The following NOS1AP variants were observed in gnomAD, a reference collection of about 807,000 sequenced individuals.
The protein encoded by NOS1AP is nitric oxide synthase 1 adaptor protein.
NOS1AP carries 21 observed loss-of-function variants against 56.2 expected under a neutral mutation model. The observed-to-expected ratio is 0.37, with a 90% CI of 0.26 to 0.54. NOS1AP has a LOEUF of 0.54. Among genes scored for constraint, NOS1AP ranks in the 20% least tolerant of loss-of-function variants. The probability of loss-of-function intolerance (pLI) is 0.84; values close to 1 mark genes in which losing one functional copy is unlikely to be tolerated. For missense variants in NOS1AP, 522 were observed against 657.8 expected, an observed-to-expected ratio of 0.79 and a Z score of 2.26; for synonymous variants, 270 against 274.6, an observed-to-expected ratio of 0.98 and a Z score of 0.17.
chr1:162,124,365 GA>G (rs1437731292), intron 1 of NOS1AP, among the ~76,000 whole-genome samples: 2 of 152,092 alleles, frequency 1.3e-5, no homozygotes, highest in Non-Finnish European at 2.9e-5. Flanking sequence ...GACTTGTAAT[GA>G]GGACATGTGG....
At chr1:162,111,271 G>A (rs1438017146) in intron 1 of NOS1AP, among the ~76,000 whole-genome samples, 1 of 152,198 alleles carries the variant, frequency 6.6e-6, no homozygotes, top group Non-Finnish European at 1.5e-5. Context: ...AGTTGAAACT[G>A]GCTTGGTATG....
intron 4 of NOS1AP, among the ~76,000 whole-genome samples, chr1:162,309,096 A>G (rs555609474): frequency 6.6e-6 from 1 of 152,356 alleles, no homozygotes; most frequent in South Asian, 2.1e-4. Flanking sequence ...AAAATACAGG[A>G]CAAACTACAT....
At chr1:162,104,233 C>T (rs1258302526) in intron 1 of NOS1AP, among the ~76,000 whole-genome samples, 19 of 152,150 alleles carry the variant, frequency 1.2e-4, no homozygotes, top group Non-Finnish European at 2.8e-4. Context: ...TGAATATTGG[C>T]CCCCAGTCTC....
chr1:162,261,539 A>AGAGAAGAGAGAAGAGAG lies in NOS1AP; in HGVS notation c.178-25801_178-25800insAGAGAGAAGAGAGGAGA, dbSNP rs1553200110. Among the ~76,000 whole-genome samples, 7 of 16,878 alleles carry AGAGAAGAGAGAAGAGAG rather than the reference A, an allele frequency of 4.1e-4. 3 individuals carry two copies. Among genetic ancestry groups the AGAGAAGAGAGAAGAGAG allele is most frequent in the Non-Finnish European group, 9.1e-4 (4 of 4,414 alleles). 11.1% of individuals were successfully genotyped at this position (16,878 alleles called of 152,430 possible). A position where few individuals can be genotyped will look rare whatever the true frequency, so the allele number is the denominator to read the frequency against. ...GAGAGAGAGAGAGAGAGAGAGAGAG[A>AGAGAAGAGAGAAGAGAG]GAGAGAGCAATGAAATGACTGGAAC... is the stretch of plus-strand genomic sequence containing the variant. On this transcript the variant is annotated intron_variant, in intron 2 of 9. Coordinates refer to ENST00000361897, the MANE Select transcript of NOS1AP (RefSeq NM_014697.3).
intron 2 of NOS1AP, among the ~76,000 whole-genome samples, chr1:162,231,464 G>A (rs977204245): frequency 9.2e-5 from 14 of 152,172 alleles, no homozygotes; most frequent in African/African-American, 3.4e-4. Context: ...CTTTTGCACA[G>A]GCGTTTTACA....
At chr1:162,211,912 C>G (rs754181274) in intron 2 of NOS1AP, among the ~76,000 whole-genome samples, 2 of 152,156 alleles carry the variant, frequency 1.3e-5, no homozygotes. Flanking sequence ...TAGCTTCCCC[C>G]CACAAAAGAA....
intron 2 of NOS1AP, among the ~76,000 whole-genome samples, chr1:162,264,469 C>CCTCTCCTCTCCTCTCCTCTCCTCTCCTGT (rs373124349): frequency 3.8e-4 from 12 of 31,848 alleles, no homozygotes; most frequent in Admixed American, 8.4e-4. Context: ...TCTTCTCCTC[C>CCTCTCCTCTCCTCTCCTCTCCTCTCCTGT]CCTCCCCTCC....
At chr1:162,133,536 T>C (rs1413367698) in intron 1 of NOS1AP, among the ~76,000 whole-genome samples, 1 of 152,246 alleles carries the variant, frequency 6.6e-6, no homozygotes, top group Non-Finnish European at 1.5e-5. Flanking sequence ...TTCCTTTTTA[T>C]AATCTGGCAG....
At chr1:162,308,164 C>T (rs1207381640) in intron 4 of NOS1AP, among the ~76,000 whole-genome samples, 2 of 152,182 alleles carry the variant, frequency 1.3e-5, no homozygotes, top group Non-Finnish European at 2.9e-5. Flanking sequence ...CCAAGATGCC[C>T]TTTAGACATT....
chr1:162,106,641 A>G (rs1647521786), intron 1 of NOS1AP, among the ~76,000 whole-genome samples: 1 of 152,240 alleles, frequency 6.6e-6, no homozygotes, highest in Admixed American at 6.5e-5. Flanking sequence ...AATACTATGA[A>G]AAGATGCTCA....
chr1:162,324,036 A>G (rs1023155029), intron 4 of NOS1AP, among the ~76,000 whole-genome samples: 1 of 152,308 alleles, frequency 6.6e-6, no homozygotes. Context: ...AGGAAGAGGT[A>G]ATTTTCTAGA....
intron 4 of NOS1AP, among the ~76,000 whole-genome samples, chr1:162,313,391 A>G (rs1362220823): frequency 6.6e-6 from 1 of 152,208 alleles, no homozygotes; most frequent in African/African-American, 2.4e-5. Context: ...ATATGCAAAT[A>G]TATTGACACT....
intron 1 of NOS1AP, among the ~76,000 whole-genome samples, chr1:162,081,126 T>C (rs972130196): frequency 1.3e-5 from 2 of 152,164 alleles, no homozygotes; most frequent in African/African-American, 4.8e-5. Context: ...GTTCTAAGCA[T>C]TTTACATGTA....
chr1:162,349,859 CTT>C (rs1395253655), intron 6 of NOS1AP, among the ~76,000 whole-genome samples: 3 of 152,192 alleles, frequency 2.0e-5, no homozygotes, highest in Non-Finnish European at 4.4e-5. Flanking sequence ...CTAAACCATA[CTT>C]TGAGTCTGAG....
chr1:162,303,342 A>G (rs1437367589), intron 4 of NOS1AP, among the ~76,000 whole-genome samples: 2 of 152,234 alleles, frequency 1.3e-5, no homozygotes, highest in Non-Finnish European at 2.9e-5. Flanking sequence ...GCCAACATCC[A>G]GTATTGTCAG....
intron 2 of NOS1AP, 111 bp from the exon 3 acceptor site, chr1:162,287,233 T>C: frequency 1.3e-6 from 1 of 755,716 alleles, no homozygotes; most frequent in Non-Finnish European, 2.4e-6. Flanking sequence ...CCAGGAGCTA[T>C]TCCCCACACC....
At chr1:162,205,933 G>A (rs1464750954) in intron 2 of NOS1AP, among the ~76,000 whole-genome samples, 1 of 152,140 alleles carries the variant, frequency 6.6e-6, no homozygotes, top group Non-Finnish European at 1.5e-5. Flanking sequence ...GCTACTCTTT[G>A]ATGGTGTAAG....
intron 2 of NOS1AP, among the ~76,000 whole-genome samples, chr1:162,216,259 C>T (rs1414100985): frequency 6.6e-6 from 1 of 152,200 alleles, no homozygotes; most frequent in African/African-American, 2.4e-5. Context: ...CTGGTGTGTG[C>T]TAGGCCCACT....
At chr1:162,271,179 A>G (rs1654573310) in intron 2 of NOS1AP, among the ~76,000 whole-genome samples, 3 of 151,336 alleles carry the variant, frequency 2.0e-5, no homozygotes, top group Non-Finnish European at 2.9e-5. Flanking sequence ...CCCTCCCCCA[A>G]CACCCCAGTA....
Sources: gnomAD v4.1 joint callset for allele counts (sites outside exome capture counted in the v4.1 genomes callset) on GRCh38, gnomAD v4.1.1 for gene constraint, MANE v1.5 for transcripts, NCBI Gene and HGNC (gene_info 2026-07-23, HGNC 2026-07-21) for gene names.